The following SLC4A4 variants were observed in gnomAD, a reference collection of about 807,000 sequenced individuals.
SLC4A4 encodes solute carrier family 4 member 4, also known as electrogenic sodium bicarbonate cotransporter 1.
Under a neutral mutation model 111.5 loss-of-function variants are expected in SLC4A4, and 27 were observed. The observed-to-expected ratio is 0.24, with a 90% CI of 0.18 to 0.33. The LOEUF (loss-of-function observed/expected upper bound fraction) is 0.33, where lower values mean the gene tolerates loss of function less well. SLC4A4 is among the 10% of genes least tolerant of loss of function. The pLI is 1.00. For synonymous variants in SLC4A4, 443 were observed against 463.4 expected (o/e 0.96, Z 0.57); for missense variants, 909 against 1,315.5 (o/e 0.69, Z 4.78).
intron 3 of SLC4A4, among the ~76,000 whole-genome samples, chr4:71,324,289 A>C (rs1217304723): frequency 6.6e-6 from 1 of 152,016 alleles, no homozygotes; most frequent in Admixed American, 6.6e-5. Context: ...TACTTAGTTT[A>C]GGTCACCATT....
At chr4:71,356,986 T>C (rs1730341032) in intron 5 of SLC4A4, 22 bp from the exon 6 acceptor site, 1 of 1,612,996 alleles carries the variant, frequency 6.2e-7, no homozygotes, top group Non-Finnish European at 8.5e-7. Context: ...AGTTTTGTTT[T>C]TTGCTTTTGT....
At chr4:71,487,158 G>A (rs1290475938) in intron 15 of SLC4A4, 140 bp downstream of exon 15, 5 of 536,962 alleles carry the variant, frequency 9.3e-6, no homozygotes, top group Non-Finnish European at 1.7e-5. Flanking sequence ...GACAGTGGAG[G>A]GACGGGAAAA....
rs550647369 is a variant in SLC4A4, at chr4:71,096,084, C to T, written c.-2+3292C>T. ...GGATATAGGCAGGCATGAGGAAGGC[C>T]GGGAGAGGGTTTTGGTGGGACAGTT... On this transcript the variant is annotated intron_variant, in intron 2 of 26. Transcript: ENST00000649996. Among the ~76,000 whole-genome samples the T allele has an allele frequency of 4.0e-3, 602 of 152,018 alleles. 4 individuals carry two copies. The highest frequency in any genetic ancestry group is 0.012 in the South Asian group (60 of 4,806).
intron 12 of SLC4A4, among the ~76,000 whole-genome samples, chr4:71,456,740 G>C (rs1295245685): frequency 6.6e-6 from 1 of 152,136 alleles, no homozygotes; most frequent in African/African-American, 2.4e-5. Flanking sequence ...TTATAGTGTA[G>C]GGTATTGATG....
At chr4:71,543,141 T>C (rs969901366) in intron 18 of SLC4A4, among the ~76,000 whole-genome samples, 2 of 152,100 alleles carry the variant, frequency 1.3e-5, no homozygotes, top group African/African-American at 4.8e-5. Context: ...TATTGAGACC[T>C]AAAATGTTAG....
intron 2 of SLC4A4, among the ~76,000 whole-genome samples, chr4:71,111,279 G>T (rs1294223988): frequency 6.6e-6 from 1 of 152,046 alleles, no homozygotes; most frequent in African/African-American, 2.4e-5. Context: ...AATATTTCCT[G>T]CTTTTCTTTT....
At chr4:71,379,751 G>T (rs1455639943) in intron 6 of SLC4A4, among the ~76,000 whole-genome samples, 2 of 151,924 alleles carry the variant, frequency 1.3e-5, no homozygotes, top group African/African-American at 2.4e-5. Context: ...TTTGACTATT[G>T]GACAAAACAG....
chr4:71,448,651 A>G (rs1725480849), intron 9 of SLC4A4, among the ~76,000 whole-genome samples: 1 of 152,194 alleles, frequency 6.6e-6, no homozygotes, highest in Admixed American at 6.5e-5. Flanking sequence ...CATTTTAGAT[A>G]TGAGAAAATT....
chr4:71,299,371 G>C (rs1423753769), intron 3 of SLC4A4, among the ~76,000 whole-genome samples: 1 of 152,202 alleles, frequency 6.6e-6, no homozygotes, highest in Non-Finnish European at 1.5e-5. Flanking sequence ...TGAGCTACAG[G>C]TACCTGGTCA....
At chr4:71,325,670 A>G (rs1038007366) in intron 3 of SLC4A4, among the ~76,000 whole-genome samples, 1 of 152,028 alleles carries the variant, frequency 6.6e-6, no homozygotes, top group African/African-American at 2.4e-5. Context: ...TTTCACCTAT[A>G]TCAGGTCAAC....
chr4:71,166,635 T>C (rs1350431064), intron 2 of SLC4A4, among the ~76,000 whole-genome samples: 1 of 152,222 alleles, frequency 6.6e-6, no homozygotes, highest in African/African-American at 2.4e-5. Context: ...AGATTTGAAA[T>C]ATGCATCAGG....
rs572832618 is a variant in SLC4A4 at position 71,079,217 on chromosome 4, T to C, written c.-64-13513T>C. 5.3e-5 allele frequency among the ~76,000 whole-genome samples: 8 copies of C among 152,244 alleles called. No individual in the cohort carries two copies. In the South Asian group the frequency reaches 1.7e-3, roughly 32 times the overall value. Reference sequence around the variant, plus strand: ...TGCTTCTCTGGCCAGGCTGTGATCATCATTACCCATGAGACACCTCCTAGG... The same window carrying C: ...TGCTTCTCTGGCCAGGCTGTGATCACCATTACCCATGAGACACCTCCTAGG... On this transcript the variant is annotated intron_variant, in intron 1 of 26. Coordinates refer to the SLC4A4 transcript ENST00000649996.
intron 12 of SLC4A4, among the ~76,000 whole-genome samples, chr4:71,460,236 G>A (rs945200002): frequency 1.2e-4 from 18 of 152,060 alleles, no homozygotes; most frequent in African/African-American, 3.4e-4. Flanking sequence ...CCTACCCCAA[G>A]ATAAAGGAAA....
intron 14 of SLC4A4, among the ~76,000 whole-genome samples, chr4:71,474,485 T>C (rs1728171020): frequency 6.6e-6 from 1 of 151,878 alleles, no homozygotes; most frequent in Non-Finnish European, 1.5e-5. Flanking sequence ...TTCAGATTGC[T>C]CCTAGATATT....
At chr4:71,358,656 C>G (rs1484765090) in intron 6 of SLC4A4, among the ~76,000 whole-genome samples, 1 of 151,984 alleles carries the variant, frequency 6.6e-6, no homozygotes, top group African/African-American at 2.4e-5. Flanking sequence ...CTACTGTTAC[C>G]TAGAATATTG....
intron 3 of SLC4A4, among the ~76,000 whole-genome samples, chr4:71,282,745 G>C (rs928105176): frequency 6.6e-6 from 1 of 151,528 alleles, no homozygotes; most frequent in African/African-American, 2.4e-5. Context: ...ACCACATCTG[G>C]CTGATTTTTT....
At chr4:71,437,890 T>C (rs1724314122) in intron 7 of SLC4A4, 1 of 174,726 alleles carries the variant, frequency 5.7e-6, no homozygotes, top group Non-Finnish European at 1.2e-5. Context: ...ACCTATTCTC[T>C]TGCTGGTGGG....
intron 3 of SLC4A4, among the ~76,000 whole-genome samples, chr4:71,331,445 G>T (rs1727983534): frequency 6.6e-6 from 1 of 152,082 alleles, no homozygotes; most frequent in Admixed American, 6.5e-5. Context: ...CATGGATGAA[G>T]CTGGAAACCA....
chr4:71,307,302 A>T (rs909594741), intron 3 of SLC4A4, among the ~76,000 whole-genome samples: 7 of 152,106 alleles, frequency 4.6e-5, no homozygotes, highest in Non-Finnish European at 8.8e-5. Context: ...CACATTTCTG[A>T]TTTCCCCCTT....
Sources: allele counts gnomAD v4.1 joint callset (sites outside exome capture counted in the v4.1 genomes callset), GRCh38; gene constraint gnomAD v4.1.1; transcripts MANE v1.5; gene names NCBI Gene and HGNC (gene_info 2026-07-23, HGNC 2026-07-21).